Variants in CACNA2D4 observed in about 807,000 individuals in gnomAD.
CACNA2D4 encodes the protein calcium voltage-gated channel auxiliary subunit alpha2delta 4, also known as voltage-dependent calcium channel subunit alpha-2/delta-4.
Under a neutral mutation model 163.8 loss-of-function variants are expected in CACNA2D4, and 157 were observed. That is an observed-to-expected ratio of 0.96 (90% CI 0.84 to 1.09). The LOEUF is 1.09. Ranked by LOEUF, CACNA2D4 falls within the 50% of genes least tolerant of loss-of-function variation. CACNA2D4 has a pLI of 0.00. For missense variants in CACNA2D4, 1,410 were observed against 1,479.9 expected (o/e 0.95, Z 0.78); for synonymous variants, 598 against 586.9 (o/e 1.02, Z -0.27).
intron 29 of CACNA2D4, among the ~76,000 whole-genome samples, chr12:1,809,219 C>T (rs1006969565): frequency 2.6e-5 from 4 of 152,214 alleles, no homozygotes; most frequent in Admixed American, 6.5e-5. Context: ...GATCCGAAGC[C>T]GCATCCCGGT....
rs767866079 is a variant in CACNA2D4, at chr12:1,799,606, G to T, written c.2995+69C>A. ...TTCCTGGGACAGGTCATGGAGGGTGGGTTCTTTGTAGCTCCTGCTGCGTCC... is the reference window on the plus strand; with the variant it reads ...TTCCTGGGACAGGTCATGGAGGGTGTGTTCTTTGTAGCTCCTGCTGCGTCC... On this transcript the variant is annotated intron_variant, in intron 34 of 37. Transcript: ENST00000382722. This position sits in a 1 kb window ranked among gnomAD's most constrained non-coding sequence, Gnocchi z 4.7. The T allele has an allele frequency of 1.0e-5, 15 of 1,506,944 alleles. No individual in the cohort carries two copies. Among genetic ancestry groups the T allele is most frequent in the Non-Finnish European group, 1.4e-5 (15 of 1,106,642 alleles). 93.3% of individuals were successfully genotyped at this position (1,506,944 alleles called of 1,614,324 possible). A position where few individuals can be genotyped will look rare whatever the true frequency, so the allele number is the denominator to read the frequency against.
chr12:1,809,580 T>C (rs767128009), intron 29 of CACNA2D4: 14 of 702,238 alleles, frequency 2.0e-5, no homozygotes, highest in Non-Finnish European at 3.4e-5. Context: ...AAAGGAATAA[T>C]CCATTTTGAG....
At position 1,829,598 on chromosome 12, in the gene CACNA2D4, C is replaced by A. The variant is rs1244222298; in HGVS notation, c.2551+11141G>T. Among the ~76,000 whole-genome samples the A allele has an allele frequency of 1.3e-5, 2 of 151,976 alleles. No individual in the cohort carries two copies. Among genetic ancestry groups the A allele is most frequent in the African/African-American group, 4.8e-5 (2 of 41,400 alleles). On this transcript the variant is annotated intron_variant, in intron 26 of 37. Coordinates refer to ENST00000382722, the MANE Select transcript of CACNA2D4 (RefSeq NM_172364.5). The surrounding 1 kb of genome is among the most constrained non-coding windows in gnomAD (Gnocchi z 4.2). ...CAGGCAGGGAAGGGGAGAGTCTCAT[C>A]CTGTTCCTTCAAGCTCCACCCTTTG...
chr12:1,807,604 A>ACTCG (rs1863583255), intron 29 of CACNA2D4, among the ~76,000 whole-genome samples: 2 of 151,824 alleles, frequency 1.3e-5, no homozygotes, highest in Non-Finnish European at 2.9e-5. Flanking sequence ...TCTTCCACTC[A>ACTCG]TCTCCCAGTC....
At chr12:1,822,904 C>G (rs1426432056) in intron 26 of CACNA2D4, among the ~76,000 whole-genome samples, 1 of 152,184 alleles carries the variant, frequency 6.6e-6, no homozygotes, top group Non-Finnish European at 1.5e-5. Flanking sequence ...TGGCTGGCCA[C>G]TCTCCGGGCT....
chr12:1,838,579 C>T lies in CACNA2D4; in HGVS notation c.2551+2160G>A, dbSNP rs937364757. Among the ~76,000 whole-genome samples, 32 of 152,230 alleles carry T rather than the reference C, an allele frequency of 2.1e-4. 1 individual carries two copies. The highest frequency in any genetic ancestry group is 7.7e-4 in the African/African-American group (32 of 41,462). ...CACCCCATTCTTTTCCTCTGACATT[C>T]ATGCACCCCAGAGTGTAAGAGCGAT... is the stretch of plus-strand genomic sequence containing the variant. On this transcript the variant is annotated intron_variant, in intron 26 of 37. Transcript: ENST00000382722.
Position 1,793,597 on chromosome 12 carries a change from T to C in CACNA2D4, c.*58A>G. 3 of 1,499,420 alleles carry C rather than the reference T, an allele frequency of 2.0e-6. No individual in the cohort carries two copies. The highest frequency in any genetic ancestry group is 2.8e-6 in the Non-Finnish European group (3 of 1,076,086). 92.9% of individuals were successfully genotyped at this position (1,499,420 alleles called of 1,614,324 possible). On this transcript the variant is annotated 3_prime_UTR_variant, in exon 38 of 38. Coordinates refer to ENST00000382722, the MANE Select transcript of CACNA2D4 (RefSeq NM_172364.5). ...AGCTGCATCCCATGTCAGTGCTGAC[T>C]TTTTGGGATGGCTCTGGAAGGATCA... is the stretch of plus-strand genomic sequence containing the variant.
Position 1,917,597 on chromosome 12 carries a change from T to G in CACNA2D4, c.227+650A>C, listed in dbSNP as rs977071277. On this transcript the variant is annotated intron_variant, in intron 1 of 37. Coordinates refer to ENST00000382722, the MANE Select transcript of CACNA2D4 (RefSeq NM_172364.5). This position sits in a 1 kb window ranked among gnomAD's most constrained non-coding sequence, Gnocchi z 4.3. ...CTAAAACACAGACACCCCAGAGAGG[T>G]TGCACAGTAATTTACATGTACACCA... Among the ~76,000 whole-genome samples, 1 of 152,008 alleles carries G rather than the reference T, an allele frequency of 6.6e-6. No individual in the cohort carries two copies. The highest frequency in any genetic ancestry group is 2.4e-5 in the African/African-American group (1 of 41,380).
chr12:1,839,235 C>G (rs1592702133), intron 26 of CACNA2D4, among the ~76,000 whole-genome samples: 1 of 152,238 alleles, frequency 6.6e-6, no homozygotes, highest in African/African-American at 2.4e-5. Flanking sequence ...CAGGTGCCTG[C>G]CAGCTGCGTT....
In CACNA2D4 at chr12:1,801,053, G is replaced by A. The variant is rs938886984; in HGVS notation, c.2858C>T (p.Pro953Leu). 6.2e-7 allele frequency: 1 copy of A among 1,613,192 alleles called. No individual in the cohort carries two copies. Among genetic ancestry groups the A allele is most frequent in the Non-Finnish European group, 8.5e-7 (1 of 1,179,792 alleles). Residue 953 changes from proline to leucine, a missense_variant, in exon 31 of 38, where the codon CCC (proline) becomes CTC (leucine). Coordinates refer to ENST00000382722, the MANE Select transcript of CACNA2D4 (RefSeq NM_172364.5). ...CTGGGTGACACTCACGCTGACCAGG[G>A]GCTGGGCTGCACTGTGGTGGTGACT... is the stretch of plus-strand genomic sequence containing the variant. ...PSSHHHSAAQ[P>L]LVSPISAFLT...
Position 1,875,697 on chromosome 12 carries a change from C to T in CACNA2D4, c.1720-360G>A, listed in dbSNP as rs1412742654. Among the ~76,000 whole-genome samples, 1 of 152,202 alleles carries T rather than the reference C, an allele frequency of 6.6e-6. No homozygotes were observed. The highest frequency in any genetic ancestry group is 1.9e-4 in the East Asian group (1 of 5,200). On this transcript the variant is annotated intron_variant, in intron 16 of 37. Coordinates refer to ENST00000382722, the MANE Select transcript of CACNA2D4 (RefSeq NM_172364.5). This position sits in a 1 kb window ranked among gnomAD's most constrained non-coding sequence, Gnocchi z 4.0. ...TTCCATCCACTGATCTTCCTTCTTT[C>T]CCCTGGAGCTGCATAGAATGTGTTC...
At position 1,828,182 on chromosome 12, in the gene CACNA2D4, G is replaced by A. The variant is rs371120797; in HGVS notation, c.2551+12557C>T. ...GCCGGGCAGCAGCCCTGGGCAGAGG[G>A]GCAGGCTCGCCCTGCAGTGGAGGCA... On this transcript the variant is annotated intron_variant, in intron 26 of 37. Transcript: ENST00000382722. This position sits in a 1 kb window ranked among gnomAD's most constrained non-coding sequence, Gnocchi z 4.2. 101 of 1,547,274 alleles carry A rather than the reference G, an allele frequency of 6.5e-5. No homozygotes were observed. Among genetic ancestry groups the A allele is most frequent in the South Asian group, 4.5e-4 (38 of 83,696 alleles).
chr12:1,834,843 C>T lies in CACNA2D4; in HGVS notation c.2551+5896G>A, dbSNP rs528356465. On this transcript the variant is annotated intron_variant, in intron 26 of 37. Transcript: ENST00000382722. This position sits in a 1 kb window ranked among gnomAD's most constrained non-coding sequence, Gnocchi z 7.6. ...CCCCGAGTCCACCCTCCTCCCCGCC[C>T]TCCAGCAGACAAGCCACACCGGGTT... 2.8e-6 allele frequency: 4 copies of T among 1,430,702 alleles called. No individual in the cohort carries two copies. The highest frequency in any genetic ancestry group is 3.7e-6 in the Non-Finnish European group (4 of 1,095,002). 88.6% of individuals were successfully genotyped at this position (1,430,702 alleles called of 1,614,324 possible).
intron 3 of CACNA2D4, among the ~76,000 whole-genome samples, chr12:1,910,683 A>C (rs1866790039): frequency 6.6e-6 from 1 of 152,242 alleles, no homozygotes; most frequent in Non-Finnish European, 1.5e-5. Context: ...AAAGGAATGA[A>C]GTGCTGATGC....
At chr12:1,813,047 G>C (rs1863761096) in intron 26 of CACNA2D4, among the ~76,000 whole-genome samples, 1 of 152,186 alleles carries the variant, frequency 6.6e-6, no homozygotes, top group South Asian at 2.1e-4. Flanking sequence ...AGGGTCAAAG[G>C]CCAGAGGTCC....
In CACNA2D4 at chr12:1,834,212, G is replaced by A; in HGVS notation, c.2551+6527C>T. ...TTTTGGGGAGCTGGGGATGGGGAGA[G>A]GGAGTGCAAGTTCTAGATGCCTGGT... On this transcript the variant is annotated intron_variant, in intron 26 of 37. Transcript: ENST00000382722. The surrounding 1 kb of genome is among the most constrained non-coding windows in gnomAD (Gnocchi z 7.6). 3 of 1,510,782 alleles carry A rather than the reference G, an allele frequency of 2.0e-6. No homozygotes were observed. Among genetic ancestry groups the A allele is most frequent in the Non-Finnish European group, 1.8e-6 (2 of 1,130,206 alleles). The allele number at this position is 1,510,782 out of a possible 1,614,324, so 93.6% of individuals were successfully genotyped here.
In CACNA2D4 at chr12:1,887,493, A is replaced by G. The variant is rs114292032; in HGVS notation, c.782-424T>C. The stretch of plus-strand genomic sequence containing the variant: ...GGTGTTAAGCTCATTAGCACTCAGG[A>G]TCCTTCCTGTTGGCTGGGATGGGAG... On this transcript the variant is annotated intron_variant, in intron 6 of 37. Transcript: ENST00000382722. 2.9e-3 allele frequency among the ~76,000 whole-genome samples: 442 copies of G among 152,302 alleles called. 6 individuals carry two copies. Among genetic ancestry groups the G allele is most frequent in the African/African-American group, 0.01 (418 of 41,550 alleles).
Position 1,907,517 on chromosome 12 carries a change from A to G in CACNA2D4, c.704T>C (p.Val235Ala). 6.2e-7 allele frequency: 1 copy of G among 1,613,774 alleles called. No individual in the cohort carries two copies. Among genetic ancestry groups the G allele is most frequent in the Non-Finnish European group, 8.5e-7 (1 of 1,179,676 alleles). The change falls in exon 6 of 38, where the codon GTG becomes GCG. Residue 235 changes from valine (V) to alanine (A), a missense_variant. Coordinates refer to ENST00000382722, the MANE Select transcript of CACNA2D4 (RefSeq NM_172364.5). The stretch of plus-strand genomic sequence containing the variant: ...CGTTGGGTCTCTCTGGAAGTTCTCC[A>G]CGAAGACAGCATTCAAGGCTTCAGA... ...YMSEALNAVF[V>A]ENFQRDPTLT...
chr12:1,899,904 C>A (rs1866497094), intron 6 of CACNA2D4, among the ~76,000 whole-genome samples: 1 of 151,776 alleles, frequency 6.6e-6, no homozygotes, highest in South Asian at 2.1e-4. Context: ...TCTAGTAATG[C>A]ATAAAAGGAT....
Sources: allele counts gnomAD v4.1 joint callset (sites outside exome capture counted in the v4.1 genomes callset), GRCh38; gene constraint gnomAD v4.1.1; non-coding constraint Gnocchi (gnomAD v3.1); transcripts MANE v1.5; gene names NCBI Gene and HGNC (gene_info 2026-07-23, HGNC 2026-07-21).